Variants in PRR14L observed in about 807,000 individuals in gnomAD.
PRR14L encodes the protein proline rich 14 like, also known as protein PRR14L.
Under a neutral mutation model 155.0 loss-of-function variants are expected in PRR14L, and 80 were observed. That is an observed-to-expected ratio of 0.52 (90% confidence interval 0.43 to 0.62). PRR14L has a LOEUF of 0.62. Among genes scored for constraint, PRR14L ranks in the 20% least tolerant of loss-of-function variants. The pLI, the probability that PRR14L is intolerant of heterozygous loss-of-function variation, is 0.00. For synonymous variants in PRR14L, 883 were observed against 916.0 expected (o/e 0.96, Z 0.65); for missense variants, 2,469 against 2,548.0 (o/e 0.97, Z 0.67).
intron 7 of PRR14L, among the ~76,000 whole-genome samples, chr22:31,700,990 ATTT>A (rs997276060): frequency 7.2e-6 from 1 of 139,584 alleles, no homozygotes; most frequent in Admixed American, 7.2e-5. Context: ...AAGTTTGGCG[ATTT>A]TTTTTTTTTT....
chr22:31,697,860 T>C (rs1248949027), intron 7 of PRR14L, among the ~76,000 whole-genome samples: 1 of 151,492 alleles, frequency 6.6e-6, no homozygotes, highest in African/African-American at 2.4e-5. Flanking sequence ...CGAGACCTTG[T>C]CACAAAACAA....
Position 31,738,608 on chromosome 22 carries a change from G to A in PRR14L, c.253C>T (p.His85Tyr), listed in dbSNP as rs2074796022. Residue 85 changes from histidine to tyrosine, a missense_variant, in exon 2 of 9, where the codon CAT (histidine) becomes TAT (tyrosine). This residue lies in a region of PRR14L where 2,363 missense variants were observed against 2,371.6 expected (regional missense o/e 1.00). Coordinates refer to ENST00000327423, the MANE Select transcript of PRR14L (RefSeq NM_173566.3). ...CCACATCGCCCAGGCTCACTCCCAT[G>A]ATCCAAGGTCTCATAGGTTTCTTCA... ...CCEETYETLD[H>Y]GSEPGRCGLV... 1.3e-6 allele frequency: 2 copies of A among 1,552,042 alleles called. No homozygotes were observed. Among genetic ancestry groups the A allele is most frequent in the Non-Finnish European group, 1.7e-6 (2 of 1,147,082 alleles).
intron 2 of PRR14L, among the ~76,000 whole-genome samples, chr22:31,731,058 A>T (rs2147872354): frequency 6.6e-6 from 1 of 152,148 alleles, no homozygotes; most frequent in Non-Finnish European, 1.5e-5. Context: ...TAATTTTCTG[A>T]GCATTTGGCC....
At chr22:31,711,396 G>A (rs1420538351) in intron 4 of PRR14L, among the ~76,000 whole-genome samples, 1 of 152,116 alleles carries the variant, frequency 6.6e-6, no homozygotes, top group South Asian at 2.1e-4. Context: ...GCTTGAATCC[G>A]GGAGGCAGAA....
Position 31,715,953 on chromosome 22 carries a change from G to C in PRR14L, c.1886C>G (p.Ala629Gly), listed in dbSNP as rs1484517843. The change falls in exon 4 of 9, where the codon GCC becomes GGC. Residue 629 changes from alanine (A) to glycine (G), a missense_variant. Physicochemically the swap from Ala to Gly is moderately conservative, Grantham distance 60 (BLOSUM62 0). This residue lies in a region of PRR14L where 2,363 missense variants were observed against 2,371.6 expected (regional missense o/e 1.00). Coordinates refer to ENST00000327423, the MANE Select transcript of PRR14L (RefSeq NM_173566.3). ...DIPLLDEQSI[A>G]CEMNELSCTN... ...ACAAGAAAGTTCATTCATCTCACAG[G>C]CTATGCTCTGTTCATCTAAAAGTGG... 6.4e-7 allele frequency: 1 copy of C among 1,551,600 alleles called. No homozygotes were observed. The highest frequency in any genetic ancestry group is 1.2e-5 in the South Asian group (1 of 84,056).
intron 4 of PRR14L, among the ~76,000 whole-genome samples, chr22:31,706,515 T>C (rs2074593092): frequency 1.3e-5 from 2 of 149,884 alleles, no homozygotes; most frequent in Admixed American, 1.3e-4. Context: ...ACCTCTACCT[T>C]GTGGGTTCAA....
intron 7 of PRR14L, among the ~76,000 whole-genome samples, chr22:31,695,405 G>A (rs2074530710): frequency 6.6e-6 from 1 of 152,118 alleles, no homozygotes; most frequent in Non-Finnish European, 1.5e-5. Context: ...TGCACCATGG[G>A]CCATCAGTGA....
chr22:31,703,710 G>A lies in PRR14L; in HGVS notation c.5840C>T (p.Pro1947Leu). 6.3e-7 allele frequency: 1 copy of A among 1,589,984 alleles called. No individual in the cohort carries two copies. Among genetic ancestry groups the A allele is most frequent in the Non-Finnish European group, 8.6e-7 (1 of 1,166,920 alleles). The change falls in exon 6 of 9, where the codon CCA becomes CTA. Residue 1947 changes from proline to leucine, a missense_variant. By Grantham distance (98) the Pro-to-Leu change is moderately conservative. Coordinates refer to ENST00000327423, the MANE Select transcript of PRR14L (RefSeq NM_173566.3). ...AGACTTTGGTACCAAGGCAGGGAAT[G>A]GAGGCTCCAGCCTAGCACCATGAAG... ...TSGSQTRLEP[P>L]FPALVPKSCL...
intron 7 of PRR14L, among the ~76,000 whole-genome samples, chr22:31,694,004 C>T (rs190999068): frequency 2.6e-5 from 4 of 152,148 alleles, no homozygotes; most frequent in African/African-American, 9.7e-5. Context: ...AGGCAAGGCA[C>T]GGTGGCTCAC....
intron 3 of PRR14L, among the ~76,000 whole-genome samples, chr22:31,724,029 C>T (rs1369571362): frequency 6.6e-6 from 1 of 152,172 alleles, no homozygotes; most frequent in Non-Finnish European, 1.5e-5. Context: ...TAAACACTAG[C>T]ATTATATTCT....
At chr22:31,727,450 G>A (rs2074722800) in intron 2 of PRR14L, among the ~76,000 whole-genome samples, 1 of 151,442 alleles carries the variant, frequency 6.6e-6, no homozygotes, top group Non-Finnish European at 1.5e-5. Context: ...GCTCAAGCTG[G>A]TCTCGAACTC....
At chr22:31,721,565 A>G (rs77960064) in intron 3 of PRR14L, among the ~76,000 whole-genome samples, 1 of 142,214 alleles carries the variant, frequency 7.0e-6, no homozygotes, top group Non-Finnish European at 1.6e-5. Flanking sequence ...AAGACTCACA[A>G]AAAAAAAAAA....
Position 31,738,444 on chromosome 22 carries a change from T to C in PRR14L, c.417A>G (p.Ala139=), listed in dbSNP as rs1468930535. The C allele has an allele frequency of 6.4e-7, 1 of 1,552,386 alleles. No homozygotes were observed. The highest frequency in any genetic ancestry group is 1.4e-5 in the African/African-American group (1 of 73,184). Residue 139 remains alanine, a synonymous_variant, in exon 2 of 9, where the codon GCA becomes GCG. Transcript: ENST00000327423. ...AGIIREPSEG[A]KEDPHQHSTA... Reference sequence around the variant, plus strand: ...TGGAATGTTGATGTGGATCTTCCTTTGCTCCCTCAGAGGGTTCTCTTATAA... The same window carrying C: ...TGGAATGTTGATGTGGATCTTCCTTCGCTCCCTCAGAGGGTTCTCTTATAA...
chr22:31,714,896 T>G lies in PRR14L; in HGVS notation c.2943A>C (p.Glu981Asp). The G allele has an allele frequency of 2.6e-6, 4 of 1,551,986 alleles. No individual in the cohort carries two copies. Among genetic ancestry groups the G allele is most frequent in the Non-Finnish European group, 3.5e-6 (4 of 1,147,038 alleles). ...TGGCTGACTGACCTTCACTTTTGCA[T>G]TCATCTGGTCTGTTTTGGTTACTCT... ...DCQSNQNRPD[E>D]CKSEGQSAKE... The change falls in exon 4 of 9, where the codon GAA (glutamate) becomes GAC (aspartate). Residue 981 changes from glutamate to aspartate, a missense_variant. Glu to Asp is a conservative substitution (Grantham distance 45). Around this residue, in one of 2 missense-constraint regions of PRR14L, gnomAD observed 2,363 missense variants for 2,371.6 expected, o/e 1.00. Transcript: ENST00000327423.
intron 2 of PRR14L, among the ~76,000 whole-genome samples, chr22:31,736,267 T>C (rs1200644476): frequency 2.7e-5 from 4 of 149,186 alleles, no homozygotes; most frequent in Non-Finnish European, 5.9e-5. Flanking sequence ...ATGCCTGTAA[T>C]CCCAGCTACT....
intron 2 of PRR14L, among the ~76,000 whole-genome samples, chr22:31,736,316 G>A (rs950323521): frequency 2.0e-5 from 3 of 151,558 alleles, no homozygotes; most frequent in African/African-American, 7.3e-5. Flanking sequence ...AACCCAGGAG[G>A]TGGAGGTTGC....
chr22:31,695,170 T>C (rs780082200), intron 7 of PRR14L, among the ~76,000 whole-genome samples: 20 of 152,236 alleles, frequency 1.3e-4, no homozygotes, highest in Admixed American at 3.3e-4. Flanking sequence ...AAGCGAATAA[T>C]GTATCAAAAT....
rs376143076 is a variant in PRR14L, at chr22:31,704,623, G to A, written c.5828+32C>T. ...CTCTCTTGCACACACACACGCACAC[G>A]CGCACACACACGCTGAGTCTCATGT... On this transcript the variant is annotated intron_variant, in intron 5 of 8. Transcript: ENST00000327423. 144 of 1,578,018 alleles carry A rather than the reference G, an allele frequency of 9.1e-5. No homozygotes were observed. In the African/African-American group the frequency reaches 9.7e-4, roughly 11 times the overall value.
chr22:31,702,149 T>C (rs1369413204), intron 6 of PRR14L, among the ~76,000 whole-genome samples: 5 of 152,218 alleles, frequency 3.3e-5, no homozygotes, highest in East Asian at 3.8e-4. Flanking sequence ...ACTTAAAACA[T>C]TGCTACCTCA....
Sources: allele counts gnomAD v4.1 joint callset (sites outside exome capture counted in the v4.1 genomes callset), GRCh38; gene constraint gnomAD v4.1.1; regional missense constraint gnomAD v4.1.1; transcripts MANE v1.5; gene names NCBI Gene and HGNC (gene_info 2026-07-23, HGNC 2026-07-21).